The following CHRNB2 variants were observed in gnomAD, a reference collection of about 807,000 sequenced individuals.
CHRNB2 encodes the protein cholinergic receptor nicotinic beta 2 subunit.
A neutral mutation model predicts 42.7 loss-of-function variants in CHRNB2; 33 were observed. That is an observed-to-expected ratio of 0.77 (90% CI 0.59 to 1.03). The LOEUF is 1.03. Among genes scored for constraint, CHRNB2 ranks in the 50% least tolerant of loss-of-function variants. CHRNB2 has a pLI of 0.00. For synonymous variants in CHRNB2, 325 were observed against 292.9 expected (o/e 1.11, Z -1.12); for missense variants, 603 against 700.9 (o/e 0.86, Z 1.58).
At chr1:154,574,041 C>A (rs541038778) in intron 5 of CHRNB2, among the ~76,000 whole-genome samples, 1 of 152,210 alleles carries the variant, frequency 6.6e-6, no homozygotes, top group Admixed American at 6.5e-5. Flanking sequence ...TGAGCCACTG[C>A]GCCCAGCCTG....
chr1:154,568,755 G>A (rs1696108049), intron 1 of CHRNB2, among the ~76,000 whole-genome samples: 1 of 151,700 alleles, frequency 6.6e-6, no homozygotes, highest in South Asian at 2.1e-4. Flanking sequence ...CAGGTACAAA[G>A]GGAATGCACA....
rs1408696456 is a variant in CHRNB2, at chr1:154,576,813, T to C, written c.*881T>C. On this transcript the variant is annotated 3_prime_UTR_variant, in exon 6 of 6. Coordinates refer to ENST00000368476, the MANE Select transcript of CHRNB2 (RefSeq NM_000748.3). The stretch of plus-strand genomic sequence containing the variant: ...CTTTGTACAGCCATGGATTCCAACA[T>C]AAGCCATGTTGCAGATGAAGAAACT... 6.6e-6 allele frequency: 1 copy of C among 152,200 alleles called. No homozygotes were observed. Among genetic ancestry groups the C allele is most frequent in the African/African-American group, 2.4e-5 (1 of 41,436 alleles). The allele number at this position is 152,200 out of a possible 1,614,324, so 9.4% of individuals were successfully genotyped here. A position where few individuals can be genotyped will look rare whatever the true frequency, so the allele number is the denominator to read the frequency against.
intron 5 of CHRNB2, among the ~76,000 whole-genome samples, chr1:154,574,582 A>G (rs1696236838): frequency 2.0e-5 from 3 of 152,028 alleles, no homozygotes; most frequent in Non-Finnish European, 4.4e-5. Context: ...TCTCTCACTC[A>G]TCAGACCTCA....
Position 154,567,780 on chromosome 1 carries a change from A to C in CHRNB2, c.-265A>C. The C allele has an allele frequency of 4.9e-6, 2 of 408,766 alleles. No individual in the cohort carries two copies. The highest frequency in any genetic ancestry group is 8.5e-6 in the Non-Finnish European group (2 of 234,292). 25.3% of individuals were successfully genotyped at this position (408,766 alleles called of 1,614,324 possible). ...CAGCGTTTCCGCCTCCGGGGCGCAG[A>C]CTCCTCCCCCTCACCGTCCCAATTG... is the stretch of plus-strand genomic sequence containing the variant. On this transcript the variant is annotated 5_prime_UTR_variant, in exon 1 of 6. Coordinates refer to ENST00000368476, the MANE Select transcript of CHRNB2 (RefSeq NM_000748.3).
rs753784853 is a variant in CHRNB2 at position 154,572,122 on chromosome 1, C to T, written c.1299C>T (p.Phe433=). ...GGGAGGCGGTGGACGGCGTGCGCTTCATCGCAGACCACATGCGGAGCGAGG... is the reference window on the plus strand; with the variant it reads ...GGGAGGCGGTGGACGGCGTGCGCTTTATCGCAGACCACATGCGGAGCGAGG... The part of the protein sequence containing the change: ...GLREAVDGVR[F]IADHMRSEDD... Residue 433 remains phenylalanine (F), a synonymous_variant, in exon 5 of 6, where the codon TTC becomes TTT. Transcript: ENST00000368476. 1.5e-5 allele frequency: 23 copies of T among 1,537,646 alleles called. No homozygotes were observed. The highest frequency in any genetic ancestry group is 2.0e-5 in the Non-Finnish European group (23 of 1,146,702).
chr1:154,572,297 G>A (rs1397968420), intron 5 of CHRNB2, 136 bp downstream of exon 5: 1 of 1,481,642 alleles, frequency 6.7e-7, no homozygotes, highest in Non-Finnish European at 9.0e-7. Context: ...TCAGGCCTGT[G>A]TTGCGGGCCT....
intron 4 of CHRNB2, among the ~76,000 whole-genome samples, chr1:154,570,895 T>G (rs1230107312): frequency 6.6e-6 from 1 of 152,080 alleles, no homozygotes; most frequent in Non-Finnish European, 1.5e-5. Flanking sequence ...ATACAATGTG[T>G]GACAAGTAGC....
In CHRNB2 at chr1:154,577,224, CCT is replaced by C. The variant is rs1262155736; in HGVS notation, c.*1293_*1294del. The stretch of plus-strand genomic sequence containing the variant: ...CCCCATGTGTCCCTGGAAGCTGTAC[CCT>C]GACTCTGCTTCCAGAGGCCAGCAGA... On this transcript the variant is annotated 3_prime_UTR_variant, in exon 6 of 6. Coordinates refer to ENST00000368476, the MANE Select transcript of CHRNB2 (RefSeq NM_000748.3). 6.6e-6 allele frequency: 1 copy of C among 152,244 alleles called. No homozygotes were observed. The highest frequency in any genetic ancestry group is 6.5e-5 in the Admixed American group (1 of 15,278). The allele number at this position is 152,244 out of a possible 1,614,324, so 9.4% of individuals were successfully genotyped here.
In CHRNB2 at chr1:154,571,774, C is replaced by T. The variant is rs374883763; in HGVS notation, c.951C>T (p.Cys317=). ...CCTTCTCCATCGTCACCAGCGTGTG[C>T]GTGCTCAACGTGCACCACCGCTCGC... is the stretch of plus-strand genomic sequence containing the variant. The part of the protein sequence containing the change: ...LVTFSIVTSV[C]VLNVHHRSPT... The change falls in exon 5 of 6, where the codon TGC becomes TGT. Residue 317 remains cysteine (C), a synonymous_variant. Transcript: ENST00000368476. The surrounding 1 kb of genome is among the most constrained non-coding windows in gnomAD (Gnocchi z 6.8). 3.7e-6 allele frequency: 6 copies of T among 1,614,032 alleles called. No homozygotes were observed. The highest frequency in any genetic ancestry group is 2.7e-5 in the African/African-American group (2 of 74,950).
Position 154,575,922 on chromosome 1 carries a change from G to A in CHRNB2, c.1499G>A (p.Ser500Asn), listed in dbSNP as rs1355061956. The change falls in exon 6 of 6, where the codon AGC becomes AAC. Residue 500 changes from serine (S) to asparagine (N), a missense_variant. Physicochemically the swap from Ser to Asn is conservative, Grantham distance 46 (BLOSUM62 1). Transcript: ENST00000368476. Reference protein sequence around the residue: ...TFLHSDHSAPSSK With the variant: ...TFLHSDHSAPNSK ...CTCCACTCAGACCACTCAGCCCCCA[G>A]CTCCAAGTGAGGCCCTTCCTCATCT... The A allele has an allele frequency of 6.2e-7, 1 of 1,614,160 alleles. No homozygotes were observed. The highest frequency in any genetic ancestry group is 1.7e-5 in the Admixed American group (1 of 60,018).
rs199833512 is a variant in CHRNB2 at position 154,576,143 on chromosome 1, G to A, written c.*211G>A. ...CTGGACCAACTGCTTTGTTTTGGCT[G>A]CTCTCCATCTCTTGTACCAGCCCAG... On this transcript the variant is annotated 3_prime_UTR_variant, in exon 6 of 6. Coordinates refer to ENST00000368476, the MANE Select transcript of CHRNB2 (RefSeq NM_000748.3). 2 of 626,512 alleles carry A rather than the reference G, an allele frequency of 3.2e-6. No individual in the cohort carries two copies. Among genetic ancestry groups the A allele is most frequent in the Non-Finnish European group, 2.9e-6 (1 of 349,284 alleles). 38.8% of individuals were successfully genotyped at this position (626,512 alleles called of 1,614,324 possible).
intron 4 of CHRNB2, among the ~76,000 whole-genome samples, 189 bp from the exon 5 acceptor site, chr1:154,570,999 TC>T (rs1220783125): frequency 4.0e-5 from 6 of 149,540 alleles, no homozygotes; most frequent in Admixed American, 1.3e-4. Context: ...TCACTAACCT[TC>T]CCCCCCCTCC....
In CHRNB2 at chr1:154,577,060, G is replaced by A. The variant is rs1696294095; in HGVS notation, c.*1128G>A. On this transcript the variant is annotated 3_prime_UTR_variant, in exon 6 of 6. Transcript: ENST00000368476. ...CATCCGTGCTGCTCCAGTCTGTTCT[G>A]CTCATGGCTCCATCCTTCTGGCTGT... 6.6e-6 allele frequency: 1 copy of A among 152,306 alleles called. No homozygotes were observed. Among genetic ancestry groups the A allele is most frequent in the Non-Finnish European group, 1.5e-5 (1 of 68,118 alleles). The allele number at this position is 152,306 out of a possible 1,614,324, so 9.4% of individuals were successfully genotyped here.
At chr1:154,570,689 T>A (rs1175198863) in intron 4 of CHRNB2, among the ~76,000 whole-genome samples, 1 of 152,010 alleles carries the variant, frequency 6.6e-6, no homozygotes, top group African/African-American at 2.4e-5. Flanking sequence ...CTGGGAAGGA[T>A]CAAAGAACTT....
chr1:154,578,228 G>C lies in CHRNB2; in HGVS notation c.*2296G>C, dbSNP rs765668366. On this transcript the variant is annotated 3_prime_UTR_variant, in exon 6 of 6. Coordinates refer to ENST00000368476, the MANE Select transcript of CHRNB2 (RefSeq NM_000748.3). ...GGCCCTCCCTCTTGGCTCTCCCAGGGCCTGGGCTACCCCGAGGCCCCAGCA... is the reference window on the plus strand; with the variant it reads ...GGCCCTCCCTCTTGGCTCTCCCAGGCCCTGGGCTACCCCGAGGCCCCAGCA... The C allele has an allele frequency of 1.3e-5, 2 of 152,276 alleles. No individual in the cohort carries two copies. Among genetic ancestry groups the C allele is most frequent in the Non-Finnish European group, 2.9e-5 (2 of 68,078 alleles). 9.4% of individuals were successfully genotyped at this position (152,276 alleles called of 1,614,324 possible).
Position 154,577,121 on chromosome 1 carries a change from CAGCTTTG to C in CHRNB2, c.*1191_*1197del, listed in dbSNP as rs1215645345. 6.6e-6 allele frequency: 1 copy of C among 152,322 alleles called. No homozygotes were observed. 9.4% of individuals were successfully genotyped at this position (152,322 alleles called of 1,614,324 possible). A position where few individuals can be genotyped will look rare whatever the true frequency, so the allele number is the denominator to read the frequency against. On this transcript the variant is annotated 3_prime_UTR_variant, in exon 6 of 6. Transcript: ENST00000368476. Reference sequence around the variant, plus strand: ...CTTCCCCTTCCCAACCAAACCTGAGCAGCTTTGAAGCAGAACTTGGGAAGGACAGGGC... The same window carrying C: ...CTTCCCCTTCCCAACCAAACCTGAGCAAGCAGAACTTGGGAAGGACAGGGC...
Position 154,569,786 on chromosome 1 carries a change from C to T in CHRNB2, c.211-6C>T. ...CCTTCTCGGCAGCCTCTCTTCCTCC[C>T]TGCAGCATGAGCGGGAGCAGATCAT... On this transcript the variant is annotated splice_region_variant and splice_polypyrimidine_tract_variant and intron_variant, in intron 2 of 5. Transcript: ENST00000368476. 1 of 1,614,180 alleles carries T rather than the reference C, an allele frequency of 6.2e-7. No individual in the cohort carries two copies. The highest frequency in any genetic ancestry group is 8.5e-7 in the Non-Finnish European group (1 of 1,180,032).
At chr1:154,572,734 C>G (rs1461699172) in intron 5 of CHRNB2, among the ~76,000 whole-genome samples, 2 of 151,992 alleles carry the variant, frequency 1.3e-5, no homozygotes, top group African/African-American at 4.8e-5. Flanking sequence ...AATCAATATC[C>G]CTGCTCTTCT....
rs776372933 is a variant in CHRNB2, at chr1:154,571,372, C to T, written c.549C>T (p.Ile183=). ...FRSWTYDRTE[I]DLVLKSEVAS... is the part of the protein sequence containing the mutation. ...CGTGGACCTACGACCGCACAGAGAT[C>T]GACTTGGTGCTGAAGAGTGAGGTGG... Residue 183 remains isoleucine, a synonymous_variant, in exon 5 of 6, where the codon ATC becomes ATT. Coordinates refer to ENST00000368476, the MANE Select transcript of CHRNB2 (RefSeq NM_000748.3). This position sits in a 1 kb window ranked among gnomAD's most constrained non-coding sequence, Gnocchi z 6.8. The T allele has an allele frequency of 2.5e-6, 4 of 1,614,112 alleles. No individual in the cohort carries two copies. The highest frequency in any genetic ancestry group is 2.2e-5 in the East Asian group (1 of 44,892).
Sources: allele counts gnomAD v4.1 joint callset (sites outside exome capture counted in the v4.1 genomes callset), GRCh38; gene constraint gnomAD v4.1.1; non-coding constraint Gnocchi (gnomAD v3.1); transcripts MANE v1.5; gene names NCBI Gene and HGNC (gene_info 2026-07-23, HGNC 2026-07-21).